The following MICU1 variants were observed in gnomAD, a reference collection of about 807,000 sequenced individuals.
MICU1 encodes the protein calcium uptake protein 1, mitochondrial.
In MICU1, 45 loss-of-function variants were observed where a neutral mutation model predicts 56.8. The ratio of observed to expected loss-of-function variants is 0.79; its 90% CI spans 0.62 to 1.02. The LOEUF (loss-of-function observed/expected upper bound fraction) is 1.02. Ranked by LOEUF, MICU1 falls within the 50% of genes least tolerant of loss-of-function variation. MICU1 has a pLI of 0.00. For missense variants in MICU1, 504 were observed against 587.1 expected, an observed-to-expected ratio of 0.86 and a Z score of 1.46; for synonymous variants, 186 against 195.1, an observed-to-expected ratio of 0.95 and a Z score of 0.39.
chr10:72,425,317 AG>A (rs1192715907), intron 8 of MICU1, among the ~76,000 whole-genome samples: 1 of 152,228 alleles, frequency 6.6e-6, no homozygotes, highest in Non-Finnish European at 1.5e-5. Flanking sequence ...TTATCTCACC[AG>A]ATAGATTCAT....
At chr10:72,393,180 C>G (rs1863135960) in intron 10 of MICU1, among the ~76,000 whole-genome samples, 1 of 152,148 alleles carries the variant, frequency 6.6e-6, no homozygotes, top group Non-Finnish European at 1.5e-5. Context: ...AGTTCTTCCT[C>G]TATCCCAAGT....
chr10:72,513,928 T>G (rs924218700), intron 5 of MICU1, among the ~76,000 whole-genome samples: 19 of 152,174 alleles, frequency 1.2e-4, no homozygotes, highest in African/African-American at 4.6e-4. Context: ...TCATTTACAT[T>G]TTTGTAATTT....
intron 3 of MICU1, among the ~76,000 whole-genome samples, chr10:72,559,423 C>T (rs1006827743): frequency 2.0e-5 from 3 of 151,332 alleles, no homozygotes; most frequent in Non-Finnish European, 4.4e-5. Flanking sequence ...TTATAAACTA[C>T]AGACTATATA....
At chr10:72,475,853 C>G (rs1296920821) in intron 7 of MICU1, 2 of 456,570 alleles carry the variant, frequency 4.4e-6, no homozygotes, top group East Asian at 1.4e-4. Context: ...CTAACACAGA[C>G]AGCCTGACAA....
chr10:72,548,505 A>G (rs1329364996), intron 4 of MICU1, among the ~76,000 whole-genome samples: 1 of 152,198 alleles, frequency 6.6e-6, no homozygotes, highest in Non-Finnish European at 1.5e-5. Context: ...AAAAGTATTT[A>G]CAGGTTGCAC....
At chr10:72,620,350 A>G (rs1842075030) in intron 1 of MICU1, among the ~76,000 whole-genome samples, 2 of 151,882 alleles carry the variant, frequency 1.3e-5, no homozygotes, top group South Asian at 2.1e-4. Flanking sequence ...ATGCCTGGCT[A>G]ATTTTTTGTA....
chr10:72,477,117 C>T lies in MICU1; in HGVS notation c.735+57G>A, dbSNP rs1866148368. ...CCAAGGCTAAGGTAACTCCAAGGCA[C>T]ATGAAAATGTATTTTAAATATTAAT... is the stretch of plus-strand genomic sequence containing the variant. On this transcript the variant is annotated intron_variant, in intron 7 of 11. Transcript: ENST00000361114. The T allele has an allele frequency of 1.7e-5, 23 of 1,337,120 alleles. No individual in the cohort carries two copies. In the South Asian group the frequency reaches 3.1e-4, roughly 18 times the overall value. 82.8% of individuals were successfully genotyped at this position (1,337,120 alleles called of 1,614,324 possible).
At chr10:72,461,432 G>A (rs969072651) in intron 8 of MICU1, among the ~76,000 whole-genome samples, 4 of 152,132 alleles carry the variant, frequency 2.6e-5, no homozygotes, top group Non-Finnish European at 5.9e-5. Flanking sequence ...GCAGTCCCCT[G>A]CTCTCTTACT....
chr10:72,438,512 T>A (rs1195807264), intron 8 of MICU1, among the ~76,000 whole-genome samples: 3 of 151,926 alleles, frequency 2.0e-5, no homozygotes, highest in Admixed American at 6.6e-5. Flanking sequence ...AGCAAACAAA[T>A]TCAAAAGCTA....
intron 3 of MICU1, among the ~76,000 whole-genome samples, chr10:72,553,483 T>C (rs1036071902): frequency 1.3e-5 from 2 of 152,204 alleles, no homozygotes; most frequent in Non-Finnish European, 2.9e-5. Context: ...TCCGCCTGCC[T>C]TGGCCTCCCA....
At chr10:72,594,925 C>CAAAAA (rs57504317) in intron 1 of MICU1, among the ~76,000 whole-genome samples, 4 of 50,744 alleles carry the variant, frequency 7.9e-5, no homozygotes, top group South Asian at 6.4e-4. Flanking sequence ...AAGTACAATC[C>CAAAAA]AAAAAAAAAA....
At chr10:72,502,587 C>T (rs1328089425) in intron 6 of MICU1, among the ~76,000 whole-genome samples, 2 of 152,192 alleles carry the variant, frequency 1.3e-5, no homozygotes, top group Admixed American at 6.5e-5. Flanking sequence ...CAGATGAATG[C>T]ATATGCTAAT....
chr10:72,617,623 G>C (rs765206645), intron 1 of MICU1, among the ~76,000 whole-genome samples: 6 of 152,150 alleles, frequency 3.9e-5, no homozygotes, highest in Non-Finnish European at 8.8e-5. Context: ...CTTAAGGCCA[G>C]GAGTTTGAAA....
intron 9 of MICU1, among the ~76,000 whole-genome samples, chr10:72,415,196 T>TG (rs1197662361): frequency 6.6e-6 from 1 of 152,036 alleles, no homozygotes; most frequent in African/African-American, 2.4e-5. Flanking sequence ...TTTGTATTTT[T>TG]GTAGAGATGT....
intron 10 of MICU1, among the ~76,000 whole-genome samples, chr10:72,404,682 C>T (rs1589179275): frequency 6.6e-6 from 1 of 152,238 alleles, no homozygotes; most frequent in East Asian, 1.9e-4. Context: ...ACATAGATGA[C>T]ATGGGCAAAT....
chr10:72,407,251 A>C (rs948178767), intron 10 of MICU1, among the ~76,000 whole-genome samples: 22 of 152,220 alleles, frequency 1.4e-4, no homozygotes, highest in African/African-American at 5.1e-4. Context: ...CATGTCAAAT[A>C]AGATCAATGA....
At chr10:72,566,048 T>C (rs1352470119) in intron 2 of MICU1, among the ~76,000 whole-genome samples, 2 of 144,278 alleles carry the variant, frequency 1.4e-5, no homozygotes, top group African/African-American at 2.5e-5. Context: ...TCTTTTTTTT[T>C]TTTTTTTTTT....
intron 10 of MICU1, among the ~76,000 whole-genome samples, chr10:72,383,999 T>A (rs1025940183): frequency 1.8e-4 from 28 of 151,522 alleles, no homozygotes; most frequent in African/African-American, 2.7e-4. Flanking sequence ...TAAAAAAAAA[T>A]TTTTTTTTAA....
chr10:72,416,967 T>C (rs1332162670), intron 9 of MICU1, among the ~76,000 whole-genome samples: 1 of 151,922 alleles, frequency 6.6e-6, no homozygotes, highest in Non-Finnish European at 1.5e-5. Flanking sequence ...TTAAAATCTG[T>C]TTCGTTCCAG....
Sources: gnomAD v4.1 joint callset for allele counts (sites outside exome capture counted in the v4.1 genomes callset) on GRCh38, gnomAD v4.1.1 for gene constraint, MANE v1.5 for transcripts, NCBI Gene and HGNC (gene_info 2026-07-23, HGNC 2026-07-21) for gene names.